Variants in ARNT2 observed in about 807,000 individuals in gnomAD.
ARNT2 encodes the protein aryl hydrocarbon receptor nuclear translocator 2, also known as ARNT protein 2.
ARNT2 carries 36 observed loss-of-function variants against 91.7 expected under a neutral mutation model. That is an observed-to-expected ratio of 0.39 (90% CI 0.30 to 0.52). ARNT2 has a LOEUF of 0.52. Among genes scored for constraint, ARNT2 ranks in the 20% least tolerant of loss-of-function variants. The probability of loss-of-function intolerance (pLI) is 0.72; values close to 1 mark genes in which losing one functional copy is unlikely to be tolerated. For synonymous variants in ARNT2, 365 were observed against 347.1 expected, an observed-to-expected ratio of 1.05 and a Z score of -0.57; for missense variants, 775 against 939.3, an observed-to-expected ratio of 0.83 and a Z score of 2.29.
At chr15:80,542,940 C>T (rs1304028870) in intron 8 of ARNT2, among the ~76,000 whole-genome samples, 1 of 151,108 alleles carries the variant, frequency 6.6e-6, no homozygotes, top group Non-Finnish European at 1.5e-5. Flanking sequence ...TCAACAAATA[C>T]AAAAAAAATT....
chr15:80,470,823 A>G (rs1366144906), intron 4 of ARNT2, among the ~76,000 whole-genome samples: 1 of 152,246 alleles, frequency 6.6e-6, no homozygotes, highest in Non-Finnish European at 1.5e-5. Flanking sequence ...CAAAACCACT[A>G]TGAGATACCA....
intron 1 of ARNT2, among the ~76,000 whole-genome samples, chr15:80,443,619 A>G (rs752358323): frequency 6.6e-6 from 1 of 152,194 alleles, no homozygotes; most frequent in African/African-American, 2.4e-5. Context: ...AGGAGGCTGC[A>G]CAAGATGCCC....
intron 8 of ARNT2, among the ~76,000 whole-genome samples, chr15:80,528,511 C>A (rs1303624691): frequency 6.6e-6 from 1 of 152,000 alleles, no homozygotes; most frequent in South Asian, 2.1e-4. Context: ...GGTTTGTTTG[C>A]GCACCCCCTG....
chr15:80,575,086 G>T lies in ARNT2; in HGVS notation c.1489G>T (p.Glu497Ter). 6.2e-7 allele frequency: 1 copy of T among 1,614,192 alleles called. No homozygotes were observed. Among genetic ancestry groups the T allele is most frequent in the Non-Finnish European group, 8.5e-7 (1 of 1,180,028 alleles). The change falls in exon 14 of 19, where the codon GAA becomes TAA. Residue 497 changes from glutamate to a stop codon, truncating the protein, a stop_gained. Coordinates refer to ENST00000303329, the MANE Select transcript of ARNT2 (RefSeq NM_014862.4). LOFTEE classifies it high-confidence loss of function. Reference protein sequence around the residue: ...FSQERDPRFAEMFAGISASEK... With the variant: ...FSQERDPRFA ...CCAGGAAAGAGATCCTCGGTTTGCTGAAATGTTTGCAGGAATTAGTGCATG... is the reference window on the plus strand; with the variant it reads ...CCAGGAAAGAGATCCTCGGTTTGCTTAAATGTTTGCAGGAATTAGTGCATG...
At chr15:80,472,737 TGTG>T (rs1258162022) in intron 4 of ARNT2, among the ~76,000 whole-genome samples, 1 of 152,146 alleles carries the variant, frequency 6.6e-6, no homozygotes, top group Non-Finnish European at 1.5e-5. Context: ...CTCGTGTGGT[TGTG>T]GTGAGGAAGG....
At chr15:80,482,558 T>C (rs1365016348) in intron 5 of ARNT2, among the ~76,000 whole-genome samples, 2 of 152,200 alleles carry the variant, frequency 1.3e-5, no homozygotes, top group East Asian at 1.9e-4. Context: ...AAGAAGCTTA[T>C]TGCCTTTGGG....
chr15:80,583,224 T>A (rs546233609), intron 17 of ARNT2, among the ~76,000 whole-genome samples: 8 of 152,360 alleles, frequency 5.3e-5, no homozygotes, highest in African/African-American at 1.9e-4. Context: ...ACAGTCGTTA[T>A]GTCTGATGGG....
chr15:80,559,310 G>A (rs953788059), intron 11 of ARNT2, among the ~76,000 whole-genome samples: 12 of 151,600 alleles, frequency 7.9e-5, no homozygotes, highest in African/African-American at 2.2e-4. Context: ...CAGCAGTGCC[G>A]GCAGTCCCAG....
rs1453055481 is a variant in ARNT2, at chr15:80,593,073, A to G, written c.2056-527A>G. Among the ~76,000 whole-genome samples the G allele has an allele frequency of 2.0e-5, 3 of 152,318 alleles. No individual in the cohort carries two copies. In the East Asian group the frequency reaches 5.8e-4, roughly 29 times the overall value. On this transcript the variant is annotated intron_variant, in intron 18 of 18. Transcript: ENST00000303329. ...GGCTGTAAGAAACTAAAATAGTGCTATTCCCGTTTTCTGGATGGGTCATCT... is the reference window on the plus strand; with the variant it reads ...GGCTGTAAGAAACTAAAATAGTGCTGTTCCCGTTTTCTGGATGGGTCATCT...
In ARNT2 at chr15:80,552,666, C is replaced by T; in HGVS notation, c.981C>T (p.Asp327=). Residue 327 remains aspartate, a synonymous_variant, in exon 10 of 19, where the codon GAC becomes GAT. Coordinates refer to ENST00000303329, the MANE Select transcript of ARNT2 (RefSeq NM_014862.4). ...TGACCAGCTCTCCTGTATGCATGGA[C>T]ATGAATGGGATGTCGGTGCCCACAG... ...LQVTSSPVCM[D]MNGMSVPTEF... The T allele has an allele frequency of 6.2e-7, 1 of 1,614,120 alleles. No homozygotes were observed. The highest frequency in any genetic ancestry group is 8.5e-7 in the Non-Finnish European group (1 of 1,179,980).
intron 8 of ARNT2, among the ~76,000 whole-genome samples, chr15:80,539,019 T>G (rs1458996289): frequency 6.6e-6 from 1 of 152,088 alleles, no homozygotes; most frequent in African/African-American, 2.4e-5. Flanking sequence ...AAAAAATTTT[T>G]TTTCTTTTGT....
At chr15:80,419,185 C>T (rs1193307585) in intron 1 of ARNT2, among the ~76,000 whole-genome samples, 1 of 152,106 alleles carries the variant, frequency 6.6e-6, no homozygotes, top group East Asian at 1.9e-4. Context: ...AAAGTGCTGC[C>T]CCATCTCAGT....
chr15:80,458,631 T>C (rs1896511885), intron 3 of ARNT2, among the ~76,000 whole-genome samples: 1 of 151,692 alleles, frequency 6.6e-6, no homozygotes, highest in South Asian at 2.1e-4. Context: ...ATTGCATACG[T>C]GAAGGATAAG....
intron 10 of ARNT2, among the ~76,000 whole-genome samples, chr15:80,553,958 A>T (rs1338376867): frequency 6.6e-6 from 1 of 152,238 alleles, no homozygotes; most frequent in Non-Finnish European, 1.5e-5. Context: ...CTCTGATGGC[A>T]GCCAGACCCA....
At position 80,595,706 on chromosome 15, in the gene ARNT2, G is replaced by C. The variant is rs1399996003; in HGVS notation, c.*2008G>C. ...TGGGTCTCCACTGTAGATGCATGCA[G>C]TGTTCACTCCAACCTCAGAGGCTTT... On this transcript the variant is annotated 3_prime_UTR_variant, in exon 19 of 19. Coordinates refer to ENST00000303329, the MANE Select transcript of ARNT2 (RefSeq NM_014862.4). 6.6e-6 allele frequency: 1 copy of C among 152,250 alleles called. No homozygotes were observed. The highest frequency in any genetic ancestry group is 1.9e-4 in the East Asian group (1 of 5,196). 9.4% of individuals were successfully genotyped at this position (152,250 alleles called of 1,614,324 possible).
At chr15:80,550,067 A>G (rs1317665100) in intron 8 of ARNT2, among the ~76,000 whole-genome samples, 4 of 152,218 alleles carry the variant, frequency 2.6e-5, no homozygotes, top group Non-Finnish European at 4.4e-5. Flanking sequence ...ATTCCAGGAC[A>G]TAGTGTTCAG....
intron 5 of ARNT2, among the ~76,000 whole-genome samples, chr15:80,491,796 CTTTTTT>C (rs58958624): frequency 1.5e-5 from 1 of 67,590 alleles, no homozygotes; most frequent in Non-Finnish European, 2.8e-5. Context: ...CAGGACAGGC[CTTTTTT>C]TTTTTTTTTT....
chr15:80,442,817 A>AT (rs1472908753), intron 1 of ARNT2: 8 of 983,176 alleles, frequency 8.1e-6, no homozygotes, highest in Admixed American at 6.2e-5. Context: ...TGTCTCTAAA[A>AT]TTTTTTTTGC....
intron 17 of ARNT2, among the ~76,000 whole-genome samples, chr15:80,583,628 T>C (rs900692246): frequency 1.3e-5 from 2 of 152,230 alleles, no homozygotes; most frequent in African/African-American, 4.8e-5. Flanking sequence ...GTGCTCACAA[T>C]AGCCCTAAGA....
Sources: gnomAD v4.1 joint callset for allele counts (sites outside exome capture counted in the v4.1 genomes callset) on GRCh38, gnomAD v4.1.1 for gene constraint, MANE v1.5 for transcripts, NCBI Gene and HGNC (gene_info 2026-07-23, HGNC 2026-07-21) for gene names.